The following UNC5C variants were observed in gnomAD, a reference collection of about 807,000 sequenced individuals.
UNC5C encodes the protein unc-5 netrin receptor C.
A neutral mutation model predicts 99.8 loss-of-function variants in UNC5C; 47 were observed. That is an observed-to-expected ratio of 0.47 (90% CI 0.37 to 0.60). The LOEUF is 0.60. Among genes scored for constraint, UNC5C ranks in the 20% least tolerant of loss-of-function variants. The probability of loss-of-function intolerance (pLI) is 0.00; values close to 1 mark genes in which losing one functional copy is unlikely to be tolerated. For synonymous variants in UNC5C, 487 were observed against 452.2 expected (o/e 1.08, Z -0.98); for missense variants, 1,062 against 1,165.9 (o/e 0.91, Z 1.30).
At chr4:95,460,313 A>G (rs1747563761) in intron 1 of UNC5C, among the ~76,000 whole-genome samples, 1 of 151,948 alleles carries the variant, frequency 6.6e-6, no homozygotes, top group Non-Finnish European at 1.5e-5. Context: ...TCTAATAATA[A>G]CTTTTCTCTA....
chr4:95,385,860 T>C (rs1745197857), intron 1 of UNC5C, among the ~76,000 whole-genome samples: 1 of 152,206 alleles, frequency 6.6e-6, no homozygotes, highest in Non-Finnish European at 1.5e-5. Flanking sequence ...GGTGATATTT[T>C]AGTAATGACC....
At chr4:95,509,053 T>C (rs1721997561) in intron 1 of UNC5C, among the ~76,000 whole-genome samples, 1 of 151,866 alleles carries the variant, frequency 6.6e-6, no homozygotes, top group African/African-American at 2.4e-5. Flanking sequence ...TCTGGGAGAA[T>C]TGAGTGAAAA....
intron 4 of UNC5C, among the ~76,000 whole-genome samples, chr4:95,252,508 C>T (rs1325646638): frequency 6.6e-6 from 1 of 152,172 alleles, no homozygotes; most frequent in East Asian, 1.9e-4. Context: ...TAGCCATTGA[C>T]TAATGGGTGC....
At chr4:95,352,373 T>C (rs1744022403) in intron 1 of UNC5C, among the ~76,000 whole-genome samples, 1 of 152,154 alleles carries the variant, frequency 6.6e-6, no homozygotes, top group Non-Finnish European at 1.5e-5. Flanking sequence ...CCGTTTAGGT[T>C]TCAGCTCAGG....
intron 1 of UNC5C, among the ~76,000 whole-genome samples, chr4:95,511,703 A>G (rs879342398): frequency 3.3e-5 from 5 of 152,114 alleles, no homozygotes; most frequent in Non-Finnish European, 5.9e-5. Flanking sequence ...TGCTAGATGC[A>G]TAGGAGATAA....
chr4:95,398,044 CTTTTTTT>C (rs34609153), intron 1 of UNC5C, among the ~76,000 whole-genome samples: 6 of 95,922 alleles, frequency 6.3e-5, no homozygotes, highest in African/African-American at 2.9e-4. Flanking sequence ...CCAAATGTAG[CTTTTTTT>C]TTTTTTTTTT....
intron 1 of UNC5C, among the ~76,000 whole-genome samples, chr4:95,515,581 T>C (rs1722191018): frequency 6.6e-6 from 1 of 152,218 alleles, no homozygotes; most frequent in South Asian, 2.1e-4. Context: ...TTTTCCCTTA[T>C]GTTAGAGAGT....
At chr4:95,294,722 A>T (rs1239627480) in intron 3 of UNC5C, among the ~76,000 whole-genome samples, 1 of 152,178 alleles carries the variant, frequency 6.6e-6, no homozygotes, top group Non-Finnish European at 1.5e-5. Flanking sequence ...CAGACTTTTC[A>T]GTTTTCAAAG....
At chr4:95,389,254 A>G (rs1290029541) in intron 1 of UNC5C, among the ~76,000 whole-genome samples, 1 of 152,208 alleles carries the variant, frequency 6.6e-6, no homozygotes, top group East Asian at 1.9e-4. Flanking sequence ...AATCACAGTT[A>G]AGGCAATTTC....
In UNC5C at chr4:95,195,383, G is replaced by A. The variant is rs565480897; in HGVS notation, c.2136+7348C>T. Among the ~76,000 whole-genome samples the A allele has an allele frequency of 2.6e-5, 4 of 152,282 alleles. No individual in the cohort carries two copies. The South Asian group carries it at 6.2e-4, about 24-fold the overall frequency. On this transcript the variant is annotated intron_variant, in intron 12 of 15. Coordinates refer to ENST00000453304, the MANE Select transcript of UNC5C (RefSeq NM_003728.4). ...ACCTTTAACACACGTTTTGTTGTTG[G>A]TCTCTAATTCACATGTTGCACATGT...
At chr4:95,197,653 A>G (rs1737485064) in intron 12 of UNC5C, among the ~76,000 whole-genome samples, 1 of 152,166 alleles carries the variant, frequency 6.6e-6, no homozygotes, top group South Asian at 2.1e-4. Context: ...AGATACATGG[A>G]AGAACTGCCG....
At chr4:95,358,099 C>A (rs28475150) in intron 1 of UNC5C, among the ~76,000 whole-genome samples, 20,239 of 151,950 alleles carry the variant, frequency 0.13, 1,588 homozygotes, top group African/African-American at 0.2. Context: ...AAAAAACAAG[C>A]AACAAAAAAA....
chr4:95,383,639 A>G (rs1745134127), intron 1 of UNC5C, among the ~76,000 whole-genome samples: 1 of 152,218 alleles, frequency 6.6e-6, no homozygotes, highest in Admixed American at 6.5e-5. Flanking sequence ...TTTCCATGAT[A>G]TGGAAAACAC....
At chr4:95,332,575 A>G (rs1743159315) in intron 2 of UNC5C, among the ~76,000 whole-genome samples, 1 of 151,910 alleles carries the variant, frequency 6.6e-6, no homozygotes, top group African/African-American at 2.4e-5. Flanking sequence ...TTCATTCAAG[A>G]TGGATTAAAG....
chr4:95,511,819 A>C (rs1235500832), intron 1 of UNC5C, among the ~76,000 whole-genome samples: 1 of 152,148 alleles, frequency 6.6e-6, no homozygotes, highest in Non-Finnish European at 1.5e-5. Context: ...ACAAATTTAA[A>C]TATGTACCAA....
chr4:95,272,314 C>T (rs890702476), intron 4 of UNC5C, among the ~76,000 whole-genome samples: 1 of 152,170 alleles, frequency 6.6e-6, no homozygotes, highest in Admixed American at 6.5e-5. Flanking sequence ...TTTTAGAAAT[C>T]TGCATTTTAT....
At chr4:95,507,379 C>T (rs879808838) in intron 1 of UNC5C, among the ~76,000 whole-genome samples, 3 of 151,974 alleles carry the variant, frequency 2.0e-5, no homozygotes, top group Non-Finnish European at 2.9e-5. Context: ...CTAAACAGTC[C>T]AAACCAATGA....
At chr4:95,393,733 T>G (rs961726073) in intron 1 of UNC5C, among the ~76,000 whole-genome samples, 1 of 152,308 alleles carries the variant, frequency 6.6e-6, no homozygotes, top group South Asian at 2.1e-4. Flanking sequence ...CGTGATCGCT[T>G]ATTCATTTGA....
intron 1 of UNC5C, among the ~76,000 whole-genome samples, chr4:95,383,294 T>C (rs1250184423): frequency 6.0e-5 from 9 of 148,798 alleles, no homozygotes; most frequent in African/African-American, 2.1e-4. Flanking sequence ...CACACACTTA[T>C]TTATTGTTAT....
Sources: allele counts gnomAD v4.1 joint callset (sites outside exome capture counted in the v4.1 genomes callset), GRCh38; gene constraint gnomAD v4.1.1; transcripts MANE v1.5; gene names NCBI Gene and HGNC (gene_info 2026-07-23, HGNC 2026-07-21).